The following TBC1D9 variants were observed in gnomAD, a reference collection of about 807,000 sequenced individuals.
TBC1D9 encodes the protein TBC1 domain family member 9.
Under a neutral mutation model 132.0 loss-of-function variants are expected in TBC1D9, and 63 were observed. That is an observed-to-expected ratio of 0.48 (90% CI 0.39 to 0.59). The LOEUF (loss-of-function observed/expected upper bound fraction) is 0.59. Ranked by LOEUF, TBC1D9 falls within the 20% of genes least tolerant of loss-of-function variation. TBC1D9 has a pLI of 0.00. For missense variants in TBC1D9, 1,261 were observed against 1,592.7 expected, an observed-to-expected ratio of 0.79 and a Z score of 3.54; for synonymous variants, 610 against 609.9, an observed-to-expected ratio of 1.00 and a Z score of 0.00.
Position 140,677,584 on chromosome 4 carries a change from T to C in TBC1D9, c.852-483A>G, listed in dbSNP as rs908315434. Among the ~76,000 whole-genome samples, 13 of 152,214 alleles carry C rather than the reference T, an allele frequency of 8.5e-5. No homozygotes were observed. The South Asian group carries it at 1.0e-3, about 12-fold the overall frequency. ...AGGAACAACTCACCTTGGGCAACTATGGCTTCTGACCTTAGCTGGGTCTTC... is the reference window on the plus strand; with the variant it reads ...AGGAACAACTCACCTTGGGCAACTACGGCTTCTGACCTTAGCTGGGTCTTC... On this transcript the variant is annotated intron_variant, in intron 5 of 20. Coordinates refer to ENST00000442267, the MANE Select transcript of TBC1D9 (RefSeq NM_015130.3).
intron 1 of TBC1D9, among the ~76,000 whole-genome samples, chr4:140,736,933 T>C (rs528986645): frequency 6.8e-4 from 103 of 152,324 alleles, no homozygotes; most frequent in African/African-American, 2.4e-3. Context: ...GCATGCTCTT[T>C]ATCAGCAGTC....
intron 3 of TBC1D9, among the ~76,000 whole-genome samples, chr4:140,681,547 C>A (rs181557782): frequency 1.3e-5 from 2 of 152,256 alleles, no homozygotes; most frequent in Admixed American, 6.5e-5. Context: ...GCTTACGATG[C>A]AAGCACAGCC....
At chr4:140,637,638 C>T (rs1736901334) in intron 15 of TBC1D9, among the ~76,000 whole-genome samples, 1 of 152,218 alleles carries the variant, frequency 6.6e-6, no homozygotes, top group African/African-American at 2.4e-5. Context: ...TTTTCTCCTG[C>T]CTTACGGATC....
At chr4:140,692,778 G>A (rs1737896371) in intron 2 of TBC1D9, among the ~76,000 whole-genome samples, 1 of 152,134 alleles carries the variant, frequency 6.6e-6, no homozygotes, top group South Asian at 2.1e-4. Context: ...CCAGCACTTT[G>A]AGGGGCCAAG....
chr4:140,642,616 C>G, intron 13 of TBC1D9: 1 of 841,790 alleles, frequency 1.2e-6, no homozygotes, highest in South Asian at 1.7e-5. Context: ...TAATCTTCAG[C>G]TGACTTATGA....
chr4:140,652,741 C>T (rs1737206457), intron 13 of TBC1D9, among the ~76,000 whole-genome samples: 2 of 152,222 alleles, frequency 1.3e-5, no homozygotes, highest in African/African-American at 2.4e-5. Context: ...TTGCCCCACA[C>T]ATGGCAGGCT....
At chr4:140,699,532 C>T (rs1310557400) in intron 2 of TBC1D9, among the ~76,000 whole-genome samples, 1 of 152,164 alleles carries the variant, frequency 6.6e-6, no homozygotes, top group African/African-American at 2.4e-5. Context: ...AAATCTACTG[C>T]CCCTGTCTAA....
chr4:140,643,711 T>G, intron 13 of TBC1D9: 1 of 1,206,666 alleles, frequency 8.3e-7, no homozygotes, highest in Non-Finnish European at 1.1e-6. Context: ...AATGCGGCCG[T>G]GCAGGGTTCT....
chr4:140,697,894 G>C (rs1737999418), intron 2 of TBC1D9, among the ~76,000 whole-genome samples: 1 of 152,130 alleles, frequency 6.6e-6, no homozygotes, highest in African/African-American at 2.4e-5. Context: ...CGAGCCTGGA[G>C]GGCTGTAAGG....
rs760667685 is a variant in TBC1D9, at chr4:140,670,909, C to T, written c.1077G>A (p.Lys359=). 1.2e-6 allele frequency: 2 copies of T among 1,613,952 alleles called. No homozygotes were observed. Among genetic ancestry groups the T allele is most frequent in the Admixed American group, 3.3e-5 (2 of 60,022 alleles). ...IPLREVTIVE[K]ADSSSVLPSP... ...TGGGGAGCACACTGGAGCTGTCTGC[C>T]TTTTCCACAATTGTCACCTGAAAAG... The change falls in exon 7 of 21, where the codon AAG becomes AAA. Residue 359 remains lysine (K), a synonymous_variant. Transcript: ENST00000442267.
At chr4:140,632,274 T>A (rs1278993986) in intron 16 of TBC1D9, among the ~76,000 whole-genome samples, 4 of 151,716 alleles carry the variant, frequency 2.6e-5, no homozygotes, top group Non-Finnish European at 5.9e-5. Context: ...TTTTTTTTTT[T>A]AAATATCTCT....
chr4:140,649,868 C>A (rs116369997), intron 13 of TBC1D9, among the ~76,000 whole-genome samples: 1 of 152,180 alleles, frequency 6.6e-6, no homozygotes, highest in Non-Finnish European at 1.5e-5. Flanking sequence ...AAGAGTCTCA[C>A]GCCATGACTA....
chr4:140,736,062 C>A (rs1258044853), intron 1 of TBC1D9, among the ~76,000 whole-genome samples: 1 of 152,056 alleles, frequency 6.6e-6, no homozygotes, highest in Non-Finnish European at 1.5e-5. Context: ...AAATAATGAT[C>A]CACAAATTTA....
intron 13 of TBC1D9, among the ~76,000 whole-genome samples, chr4:140,654,333 G>C (rs1237834566): frequency 6.6e-6 from 1 of 152,188 alleles, no homozygotes; most frequent in Non-Finnish European, 1.5e-5. Context: ...GGGGAAGGGG[G>C]TGTCTGTAAT....
At chr4:140,731,668 TACACACACACACAC>T (rs56768107) in intron 1 of TBC1D9, among the ~76,000 whole-genome samples, 1 of 147,122 alleles carries the variant, frequency 6.8e-6, no homozygotes, top group Non-Finnish European at 1.5e-5. Context: ...TTAAAACACA[TACACACACACACAC>T]ACACACACAC....
At chr4:140,642,740 G>T in intron 13 of TBC1D9, 1 of 646,808 alleles carries the variant, frequency 1.5e-6, no homozygotes, top group Non-Finnish European at 2.8e-6. Flanking sequence ...CCTTATTCCT[G>T]CTCCCAGCTC....
chr4:140,727,921 C>T (rs762151529), intron 1 of TBC1D9, among the ~76,000 whole-genome samples: 13 of 152,144 alleles, frequency 8.5e-5, no homozygotes, highest in South Asian at 2.1e-4. Context: ...TCTAATTGCA[C>T]GGAAGGAGTA....
intron 3 of TBC1D9, 72 bp downstream of exon 3, chr4:140,686,271 AT>A: frequency 9.9e-7 from 1 of 1,008,076 alleles, no homozygotes; most frequent in Non-Finnish European, 1.5e-6. Context: ...GTTTTACTCA[AT>A]TCTTATTTTT....
chr4:140,623,596 G>T (rs775611313), intron 20 of TBC1D9, among the ~76,000 whole-genome samples: 20 of 151,910 alleles, frequency 1.3e-4, no homozygotes, highest in African/African-American at 4.6e-4. Flanking sequence ...TTTTTCCAAG[G>T]TTAGCTCCAA....
Sources: allele counts gnomAD v4.1 joint callset (sites outside exome capture counted in the v4.1 genomes callset), GRCh38; gene constraint gnomAD v4.1.1; transcripts MANE v1.5; gene names NCBI Gene and HGNC (gene_info 2026-07-23, HGNC 2026-07-21).